Variants in MAGT1 observed in about 807,000 individuals in gnomAD.
MAGT1 encodes dolichyl-diphosphooligosaccharide--protein glycosyltransferase subunit MAGT1.
MAGT1 carries 4 observed loss-of-function variants against 28.4 expected under a neutral mutation model. The ratio of observed to expected loss-of-function variants is 0.14; its 90% CI spans 0.07 to 0.32. MAGT1 has a LOEUF of 0.32. Ranked by LOEUF, MAGT1 falls within the 10% of genes least tolerant of loss-of-function variation. MAGT1 has a pLI of 1.00. For synonymous variants in MAGT1, 89 were observed against 89.7 expected (o/e 0.99, Z 0.04); for missense variants, 193 against 264.5 (o/e 0.73, Z 1.88).
In MAGT1 at chrX:77,846,778, G is replaced by A. The variant is rs782541827; in HGVS notation, c.827-5458C>T. ...TGGTGAACAGCAAATGTTGCTGCCTGATTGTTCCTCTGGAAGTTTTGTTTC... is the reference window on the plus strand; with the variant it reads ...TGGTGAACAGCAAATGTTGCTGCCTAATTGTTCCTCTGGAAGTTTTGTTTC... On this transcript the variant is annotated intron_variant, in intron 7 of 9. Transcript: ENST00000618282. Among the ~76,000 whole-genome samples, 12 of 111,779 alleles carry A rather than the reference G, an allele frequency of 1.1e-4. No homozygotes were observed. The East Asian group carries it at 3.1e-3, about 29-fold the overall frequency.
At chrX:77,859,871 A>G (rs2076990348) in intron 3 of MAGT1, among the ~76,000 whole-genome samples, 2 of 110,992 alleles carry the variant, frequency 1.8e-5, no homozygotes, top group African/African-American at 6.5e-5. Context: ...TGTCTTTAAA[A>G]AAAAAAAAAT....
At chrX:77,846,054 T>A (rs2076950628) in intron 7 of MAGT1, among the ~76,000 whole-genome samples, 1 of 112,203 alleles carries the variant, frequency 8.9e-6, no homozygotes, top group African/African-American at 3.2e-5. Context: ...ATTCTCTTTG[T>A]CACTTTCAGG....
Position 77,826,095 on chromosome X carries a change from T to C in MAGT1, c.*3125A>G, listed in dbSNP as rs1465220531. 8.9e-6 allele frequency among the ~76,000 whole-genome samples: 1 copy of C among 112,309 alleles called. No homozygotes were observed. Among genetic ancestry groups the C allele is most frequent in the African/African-American group, 3.2e-5 (1 of 30,950 alleles). On this transcript the variant is annotated 3_prime_UTR_variant, in exon 10 of 10. Transcript: ENST00000618282. ...TCTGGGACGAAAGGTAGATCAATTG[T>C]TGCAAACAGTCATTTATCTACTCAT...
chrX:77,836,901 T>TA (rs2076920365), intron 8 of MAGT1, among the ~76,000 whole-genome samples: 2 of 110,451 alleles, frequency 1.8e-5, no homozygotes, highest in Admixed American at 2.0e-4. Flanking sequence ...GTCTCAGATT[T>TA]AAAAAAAAGA....
intron 7 of MAGT1, among the ~76,000 whole-genome samples, chrX:77,842,552 C>T (rs903437672): frequency 8.9e-6 from 1 of 111,871 alleles, no homozygotes; most frequent in Non-Finnish European, 1.9e-5. Context: ...CCTGGCCGTG[C>T]GTGGTGGCTC....
intron 3 of MAGT1, among the ~76,000 whole-genome samples, chrX:77,861,942 T>C (rs2076995795): frequency 9.0e-6 from 1 of 111,447 alleles, no homozygotes; most frequent in Non-Finnish European, 1.9e-5. Flanking sequence ...AGTTTCAGTT[T>C]TGGAAGATGA....
chrX:77,881,107 T>C (rs1427632750), intron 1 of MAGT1, among the ~76,000 whole-genome samples: 3 of 110,897 alleles, frequency 2.7e-5, no homozygotes, highest in African/African-American at 9.8e-5. Context: ...AAATTGAGAC[T>C]GCACAGATCA....
intron 3 of MAGT1, among the ~76,000 whole-genome samples, chrX:77,863,312 AC>A (rs1569548089): frequency 9.1e-6 from 1 of 110,140 alleles, no homozygotes. Context: ...GGAGATCGAG[AC>A]CATCATGGCT....
intron 7 of MAGT1, among the ~76,000 whole-genome samples, chrX:77,849,074 CTT>C (rs538635480): frequency 5.1e-5 from 5 of 97,258 alleles, no homozygotes; most frequent in Admixed American, 1.1e-4. Context: ...ATTGTGTTTT[CTT>C]TTTTTTTTTT....
chrX:77,871,165 G>A (rs2077019555), intron 2 of MAGT1, among the ~76,000 whole-genome samples: 1 of 111,711 alleles, frequency 9.0e-6, no homozygotes, highest in Admixed American at 9.7e-5. Context: ...ACCTGACTCC[G>A]CTTCATACTT....
At position 77,856,808 on chromosome X, in the gene MAGT1, A is replaced by G; in HGVS notation, c.597T>C (p.Ile199=). The change falls in exon 5 of 10, where the codon ATT becomes ATC. Residue 199 remains isoleucine, a synonymous_variant. Coordinates refer to ENST00000618282, the MANE Select transcript of MAGT1 (RefSeq NM_001367916.1). ...PLMLGLLLAV[I]GGLVYLRRSN... Reference sequence around the variant, plus strand: ...TTCTTCGAAGATACACAAGTCCACCAATAACAGCCAAAAGCAATCCCAACA... The same window carrying G: ...TTCTTCGAAGATACACAAGTCCACCGATAACAGCCAAAAGCAATCCCAACA... 2 of 1,206,033 alleles carry G rather than the reference A, an allele frequency of 1.7e-6. No individual in the cohort carries two copies. Among genetic ancestry groups the G allele is most frequent in the Non-Finnish European group, 2.2e-6 (2 of 890,357 alleles).
chrX:77,853,740 T>C (rs1393196539), intron 7 of MAGT1, among the ~76,000 whole-genome samples, 161 bp downstream of exon 7: 2 of 112,071 alleles, frequency 1.8e-5, no homozygotes, highest in African/African-American at 6.5e-5. Flanking sequence ...TCCCTAGTAG[T>C]CTTTGGTTTA....
chrX:77,829,699 A>C (rs1222174927), intron 9 of MAGT1, among the ~76,000 whole-genome samples: 3 of 109,475 alleles, frequency 2.7e-5, no homozygotes, highest in African/African-American at 1.0e-4. Flanking sequence ...AATTATTATA[A>C]TTATTATTTT....
At position 77,856,752 on chromosome X, in the gene MAGT1, C is replaced by T. The variant is rs782274399; in HGVS notation, c.653G>A (p.Gly218Glu). The change falls in exon 5 of 10, where the codon GGA (glycine) becomes GAA (glutamate). Residue 218 changes from glycine (G) to glutamate (E), a missense_variant. Gly to Glu is a moderately conservative substitution (Grantham distance 98). Transcript: ENST00000618282. Reference protein sequence around the residue: ...SNMEFLFNKTGWAFAALCFVL... With the variant: ...SNMEFLFNKTEWAFAALCFVL... ...ACTCACCAAAGCTGCAAAAGCCCATCCAGTTTTATTAAAGAGAAATTCCAT... is the reference window on the plus strand; with the variant it reads ...ACTCACCAAAGCTGCAAAAGCCCATTCAGTTTTATTAAAGAGAAATTCCAT... 8.3e-7 allele frequency: 1 copy of T among 1,207,871 alleles called. No homozygotes were observed. Among genetic ancestry groups the T allele is most frequent in the Admixed American group, 2.2e-5 (1 of 45,541 alleles).
At chrX:77,887,361 G>A (rs2149029209) in intron 1 of MAGT1, among the ~76,000 whole-genome samples, 1 of 111,956 alleles carries the variant, frequency 8.9e-6, no homozygotes, top group Non-Finnish European at 1.9e-5. Context: ...CCTTCCCAAA[G>A]TGTTGGGATT....
intron 1 of MAGT1, among the ~76,000 whole-genome samples, chrX:77,887,554 A>G (rs782096500): frequency 1.8e-5 from 2 of 111,696 alleles, no homozygotes; most frequent in Non-Finnish European, 3.8e-5. Context: ...TTGTTCCTCT[A>G]TTGCCACTAC....
intron 7 of MAGT1, 150 bp downstream of exon 7, chrX:77,853,751 T>C: frequency 3.9e-6 from 2 of 510,159 alleles, no homozygotes; most frequent in Non-Finnish European, 6.9e-6. Context: ...CTTTGGTTTA[T>C]TGGGCTGGAG....
chrX:77,859,570 T>C (rs1437356120), intron 3 of MAGT1, among the ~76,000 whole-genome samples: 1 of 112,025 alleles, frequency 8.9e-6, no homozygotes, highest in African/African-American at 3.2e-5. Flanking sequence ...ATTTTTTAAT[T>C]AAAATGGATA....
chrX:77,862,992 C>T (rs1361360976), intron 3 of MAGT1, among the ~76,000 whole-genome samples: 2 of 109,160 alleles, frequency 1.8e-5, no homozygotes, highest in African/African-American at 6.7e-5. Context: ...CATGGTGAAA[C>T]CCTGTCTCTA....
Sources: allele counts gnomAD v4.1 joint callset (sites outside exome capture counted in the v4.1 genomes callset), GRCh38; gene constraint gnomAD v4.1.1; transcripts MANE v1.5; gene names NCBI Gene and HGNC (gene_info 2026-07-23, HGNC 2026-07-21).